GREB1L: variants seen among roughly 807,000 people sequenced by gnomAD.
The protein encoded by GREB1L is GREB1-like protein.
A neutral mutation model predicts 200.8 loss-of-function variants in GREB1L; 17 were observed. The ratio of observed to expected loss-of-function variants is 0.08; its 90% CI spans 0.06 to 0.13. GREB1L has a LOEUF of 0.13. GREB1L is among the 10% of genes least tolerant of loss of function. GREB1L has a pLI of 1.00. For synonymous variants in GREB1L, 789 were observed against 893.0 expected, an observed-to-expected ratio of 0.88 and a Z score of 2.08; for missense variants, 1,657 against 2,367.7, an observed-to-expected ratio of 0.70 and a Z score of 6.23.
intron 1 of GREB1L, among the ~76,000 whole-genome samples, chr18:21,325,752 G>A (rs1483178662): frequency 6.8e-6 from 1 of 146,414 alleles, no homozygotes; most frequent in African/African-American, 2.5e-5. Flanking sequence ...GGTTGAGGCT[G>A]CAGTGAGCCG....
At chr18:21,274,927 C>A in intron 1 of GREB1L, among the ~76,000 whole-genome samples, 1 of 151,602 alleles carries the variant, frequency 6.6e-6, no homozygotes, top group South Asian at 2.1e-4. Flanking sequence ...TTTTAAAATA[C>A]CACACTTGTA....
intron 1 of GREB1L, among the ~76,000 whole-genome samples, chr18:21,282,924 A>G (rs1048443412): frequency 2.6e-5 from 4 of 152,178 alleles, no homozygotes; most frequent in Admixed American, 6.5e-5. Flanking sequence ...ATGGCAACCT[A>G]ATGCATAGTA....
chr18:21,454,337 T>TG, intron 14 of GREB1L, 29 bp from the exon 15 acceptor site: 1 of 1,481,684 alleles, frequency 6.7e-7, no homozygotes, highest in Non-Finnish European at 9.2e-7. Flanking sequence ...AAATTAACCT[T>TG]GTTCTTATGA....
chr18:21,278,757 A>C (rs2038218317), intron 1 of GREB1L, among the ~76,000 whole-genome samples: 1 of 152,196 alleles, frequency 6.6e-6, no homozygotes, highest in African/African-American at 2.4e-5. Flanking sequence ...CAGAAATCAT[A>C]AGGAAAAGAT....
intron 31 of GREB1L, 135 bp from the exon 32 acceptor site, chr18:21,520,553 T>C: frequency 1.0e-6 from 1 of 955,268 alleles, no homozygotes; most frequent in South Asian, 1.7e-5. Flanking sequence ...CCATTTAAGT[T>C]AATATTGGAA....
At chr18:21,245,188 C>G (rs1398342773) in intron 1 of GREB1L, among the ~76,000 whole-genome samples, 2 of 152,148 alleles carry the variant, frequency 1.3e-5, no homozygotes, top group African/African-American at 4.8e-5. Context: ...TTCAAAGGTA[C>G]ACTGTAAGCG....
chr18:21,522,850 GATGCCTA>G lies in GREB1L; in HGVS notation c.*30_*36del, dbSNP rs2146139769. 6.6e-7 allele frequency: 1 copy of G among 1,524,530 alleles called. No homozygotes were observed. Among genetic ancestry groups the G allele is most frequent in the East Asian group, 2.5e-5 (1 of 40,432 alleles). The allele number at this position is 1,524,530 out of a possible 1,614,324, so 94.4% of individuals were successfully genotyped here. On this transcript the variant is annotated 3_prime_UTR_variant, in exon 33 of 33. Coordinates refer to ENST00000424526, the MANE Select transcript of GREB1L (RefSeq NM_001142966.3). ...TTTGAAGAGACCAAAACAGCAAAAA[GATGCCTA>G]GGTGGGATGGGACAGAAACAATTTG...
intron 1 of GREB1L, among the ~76,000 whole-genome samples, chr18:21,305,278 T>C (rs1369965965): frequency 6.6e-6 from 1 of 152,174 alleles, no homozygotes; most frequent in Non-Finnish European, 1.5e-5. Context: ...CCGGCCCCTA[T>C]GTTAATCTTT....
intron 11 of GREB1L, among the ~76,000 whole-genome samples, chr18:21,445,449 G>A (rs1367686341): frequency 2.0e-5 from 3 of 151,762 alleles, no homozygotes; most frequent in Non-Finnish European, 4.4e-5. Context: ...ACTCCAGCTT[G>A]GGCAACAAGA....
intron 1 of GREB1L, among the ~76,000 whole-genome samples, chr18:21,363,384 G>A (rs577319413): frequency 4.7e-5 from 7 of 150,202 alleles, no homozygotes; most frequent in South Asian, 2.1e-4. Context: ...GAGTTACAGA[G>A]TGAAAAGGCA....
chr18:21,409,158 T>A (rs2030651698), intron 7 of GREB1L, among the ~76,000 whole-genome samples: 1 of 152,170 alleles, frequency 6.6e-6, no homozygotes, highest in Admixed American at 6.5e-5. Context: ...TGGACAAAAA[T>A]GTGATGTATC....
intron 7 of GREB1L, among the ~76,000 whole-genome samples, chr18:21,415,100 G>A (rs965945019): frequency 1.3e-5 from 2 of 152,152 alleles, no homozygotes; most frequent in Non-Finnish European, 2.9e-5. Context: ...CTAAGTACCA[G>A]AGGGAAGAGA....
In GREB1L at chr18:21,369,077, T is replaced by C. The variant is rs190974234; in HGVS notation, c.-10+2941T>C. ...ATACTTTTTAAAGCATCAGATGAAA[T>C]TTGGAAAATTATTATAGTATCTTTT... is the stretch of plus-strand genomic sequence containing the variant. On this transcript the variant is annotated intron_variant, in intron 2 of 32. Coordinates refer to ENST00000424526, the MANE Select transcript of GREB1L (RefSeq NM_001142966.3). Among the ~76,000 whole-genome samples the C allele has an allele frequency of 2.3e-3, 356 of 152,342 alleles. 3 individuals are homozygous for C. Among genetic ancestry groups the C allele is most frequent in the Admixed American group, 1.6e-3 (25 of 15,290 alleles).
chr18:21,437,384 A>C (rs2033614453), intron 7 of GREB1L, among the ~76,000 whole-genome samples: 1 of 152,208 alleles, frequency 6.6e-6, no homozygotes. Context: ...AGAATCAAGT[A>C]ATAGATCAGT....
At chr18:21,430,397 C>T (rs1223604575) in intron 7 of GREB1L, among the ~76,000 whole-genome samples, 1 of 151,146 alleles carries the variant, frequency 6.6e-6, no homozygotes, top group Non-Finnish European at 1.5e-5. Context: ...TTGATTCACT[C>T]AAAAAACAAA....
chr18:21,522,269 G>A (rs1204113760), intron 32 of GREB1L, among the ~76,000 whole-genome samples: 6 of 151,796 alleles, frequency 4.0e-5, no homozygotes, highest in African/African-American at 1.5e-4. Flanking sequence ...TCAGGAGATC[G>A]AGACCATCCT....
At chr18:21,338,934 A>G (rs1333533438) in intron 1 of GREB1L, among the ~76,000 whole-genome samples, 3 of 152,246 alleles carry the variant, frequency 2.0e-5, no homozygotes, top group Admixed American at 6.5e-5. Flanking sequence ...TACGCCTGTA[A>G]TCCTAGCACT....
At chr18:21,366,309 C>T (rs546340306) in intron 2 of GREB1L, among the ~76,000 whole-genome samples, 173 bp downstream of exon 2, 1 of 152,154 alleles carries the variant, frequency 6.6e-6, no homozygotes, top group Admixed American at 6.5e-5. Flanking sequence ...TCCCCTTACC[C>T]CATACCAGAA....
chr18:21,473,563 T>C (rs1180405465), intron 16 of GREB1L, among the ~76,000 whole-genome samples: 4 of 131,384 alleles, frequency 3.0e-5, no homozygotes, highest in African/African-American at 1.3e-4. Context: ...AGTGAGACTT[T>C]GTCTCAAAAA....
Sources: allele counts gnomAD v4.1 joint callset (sites outside exome capture counted in the v4.1 genomes callset), GRCh38; gene constraint gnomAD v4.1.1; transcripts MANE v1.5; gene names NCBI Gene and HGNC (gene_info 2026-07-23, HGNC 2026-07-21).